Variants in RASSF4 observed in about 807,000 individuals in gnomAD.
The protein encoded by RASSF4 is Ras association domain family member 4.
A neutral mutation model predicts 41.1 loss-of-function variants in RASSF4; 38 were observed. The observed-to-expected ratio is 0.92, with a 90% CI of 0.71 to 1.21. RASSF4 has a LOEUF of 1.21. Among genes scored for constraint, RASSF4 ranks in the 50% most tolerant of loss-of-function variants. The pLI, the probability that RASSF4 is intolerant of heterozygous loss-of-function variation, is 0.00. For missense variants in RASSF4, 414 were observed against 419.4 expected (o/e 0.99, Z 0.11); for synonymous variants, 179 against 163.4 (o/e 1.10, Z -0.73).
At chr10:44,964,791 G>C (rs375769783) in intron 1 of RASSF4, among the ~76,000 whole-genome samples, 11 of 152,198 alleles carry the variant, frequency 7.2e-5, no homozygotes, top group African/African-American at 2.7e-4. Context: ...CCCCCTTGCA[G>C]TTTGCTGCTG....
In RASSF4 at chr10:44,995,290, G is replaced by A. The variant is rs923350829; in HGVS notation, c.*1961G>A. 1.3e-5 allele frequency: 2 copies of A among 152,298 alleles called. No individual in the cohort carries two copies. Among genetic ancestry groups the A allele is most frequent in the African/African-American group, 4.8e-5 (2 of 41,474 alleles). The allele number at this position is 152,298 out of a possible 1,614,324, so 9.4% of individuals were successfully genotyped here. A position where few individuals can be genotyped will look rare whatever the true frequency, so the allele number is the denominator to read the frequency against. ...AGGAGAAGAAGGCCAGACACTGGAA[G>A]GGTCAAGAGATCAGCTGAGCAACGA... is the stretch of plus-strand genomic sequence containing the variant. On this transcript the variant is annotated 3_prime_UTR_variant, in exon 11 of 11. Transcript: ENST00000340258.
chr10:44,974,225 G>T (rs939064008), intron 3 of RASSF4, among the ~76,000 whole-genome samples: 3 of 152,222 alleles, frequency 2.0e-5, no homozygotes, highest in Non-Finnish European at 4.4e-5. Flanking sequence ...CTCTCCTCAG[G>T]CACCACAGGC....
intron 1 of RASSF4, among the ~76,000 whole-genome samples, chr10:44,964,959 TGGAGCTCA>T (rs1160201292): frequency 6.6e-6 from 1 of 152,262 alleles, no homozygotes; most frequent in Non-Finnish European, 1.5e-5. Context: ...TGAGTGATCC[TGGAGCTCA>T]GGAAAAACAG....
At chr10:44,984,195 C>CG in intron 5 of RASSF4, 82 bp downstream of exon 5, 1 of 1,344,510 alleles carries the variant, frequency 7.4e-7, no homozygotes, top group Non-Finnish European at 1.0e-6. Context: ...CCACAATCTC[C>CG]GAAGGACAGC....
At position 44,993,293 on chromosome 10, in the gene RASSF4, G is replaced by A; in HGVS notation, c.930G>A (p.Met310Ile). The change falls in exon 11 of 11, where the codon ATG becomes ATA. Residue 310 changes from methionine to isoleucine, a missense_variant. Physicochemically the swap from Met to Ile is conservative, Grantham distance 10 (BLOSUM62 1). Coordinates refer to ENST00000340258, the MANE Select transcript of RASSF4 (RefSeq NM_032023.4). ...GGTTCCAAGCCCTGCGTCTGACGAT[G>A]CTGCAGCGCCTGGAGCAGCTGGTGG... ...TMKFQALRLT[M>I]LQRLEQLVEA... is the part of the protein sequence containing the mutation. 1 of 1,608,676 alleles carries A rather than the reference G, an allele frequency of 6.2e-7. No individual in the cohort carries two copies. Among genetic ancestry groups the A allele is most frequent in the Non-Finnish European group, 8.5e-7 (1 of 1,179,624 alleles).
intron 1 of RASSF4, among the ~76,000 whole-genome samples, chr10:44,963,456 C>T (rs1473509574): frequency 6.6e-6 from 1 of 152,190 alleles, no homozygotes; most frequent in Non-Finnish European, 1.5e-5. Flanking sequence ...TGGGAGGGGC[C>T]TTTTAAAGCT....
intron 9 of RASSF4, chr10:44,991,428 G>A (rs1588850531): frequency 4.7e-6 from 1 of 212,108 alleles, no homozygotes; most frequent in East Asian, 1.1e-4. Flanking sequence ...TGGAAAACAG[G>A]GAGATATTTA....
intron 3 of RASSF4, chr10:44,977,252 CT>C: frequency 8.7e-7 from 1 of 1,144,104 alleles, no homozygotes; most frequent in East Asian, 2.4e-5. Flanking sequence ...GTCGGTCTCA[CT>C]GTGAACTGCC....
Position 44,989,324 on chromosome 10 carries a change from C to A in RASSF4, c.582C>A (p.Asn194Lys). 1 of 1,614,056 alleles carries A rather than the reference C, an allele frequency of 6.2e-7. No homozygotes were observed. Among genetic ancestry groups the A allele is most frequent in the East Asian group, 2.2e-5 (1 of 44,876 alleles). ...AYGSVTNVRV[N>K]STMTTLQVLT... The stretch of plus-strand genomic sequence containing the variant: ...GATCCGTGACCAATGTGAGGGTCAA[C>A]AGCACCATGACAACCCTGCAGGTGC... The change falls in exon 7 of 11, where the codon AAC becomes AAA. Residue 194 changes from asparagine (N) to lysine (K), a missense_variant. Transcript: ENST00000340258.
Position 44,993,192 on chromosome 10 carries a change from G to A in RASSF4, c.906-77G>A, listed in dbSNP as rs182702446. 805 of 1,273,408 alleles carry A rather than the reference G, an allele frequency of 6.3e-4. 4 individuals carry two copies. The African/African-American group carries it at 0.01, about 16-fold the overall frequency. 78.9% of individuals were successfully genotyped at this position (1,273,408 alleles called of 1,614,324 possible). On this transcript the variant is annotated intron_variant, in intron 10 of 10. Transcript: ENST00000340258. ...CAGGGATCTCCTGAGCTGGCCATCTGCAGGTCCCTTGCTCTGCTGCCCACC... is the reference window on the plus strand; with the variant it reads ...CAGGGATCTCCTGAGCTGGCCATCTACAGGTCCCTTGCTCTGCTGCCCACC...
intron 1 of RASSF4, among the ~76,000 whole-genome samples, chr10:44,961,057 A>G (rs1323893654): frequency 1.3e-5 from 2 of 152,192 alleles, no homozygotes; most frequent in Admixed American, 6.5e-5. Context: ...AAGGGAGGGA[A>G]GAGGAGAGAT....
chr10:44,989,208 C>T lies in RASSF4; in HGVS notation c.532-66C>T, dbSNP rs1352916938. 5.0e-6 allele frequency: 5 copies of T among 999,602 alleles called. No individual in the cohort carries two copies. The African/African-American group carries it at 6.3e-5, about 13-fold the overall frequency. The allele number at this position is 999,602 out of a possible 1,614,324, so 61.9% of individuals were successfully genotyped here. On this transcript the variant is annotated intron_variant, in intron 6 of 10. Transcript: ENST00000340258. ...GTCACCTGCTGCCTTGGTCTGTTCA[C>T]CGTTGTGATGTCAGTCCCTTGTCCC... is the stretch of plus-strand genomic sequence containing the variant.
intron 7 of RASSF4, 125 bp downstream of exon 7, chr10:44,989,500 C>A: frequency 1.1e-6 from 1 of 936,592 alleles, no homozygotes; most frequent in Non-Finnish European, 1.7e-6. Context: ...GCAAGGGTCC[C>A]TCTGCTGAGC....
At position 44,993,990 on chromosome 10, in the gene RASSF4, T is replaced by G. The variant is rs1842213034; in HGVS notation, c.*661T>G. On this transcript the variant is annotated 3_prime_UTR_variant, in exon 11 of 11. Transcript: ENST00000340258. ...ACCTAAAGCGATTCTTACAAGGAGC[T>G]TGCTGCAAGAAACACGGTCATTCAA... The G allele has an allele frequency of 6.6e-6, 1 of 152,246 alleles. No homozygotes were observed. The highest frequency in any genetic ancestry group is 2.4e-5 in the African/African-American group (1 of 41,446). The allele number at this position is 152,246 out of a possible 1,614,324, so 9.4% of individuals were successfully genotyped here.
chr10:44,969,698 C>T (rs1009692281), intron 1 of RASSF4, among the ~76,000 whole-genome samples: 6 of 152,236 alleles, frequency 3.9e-5, no homozygotes, highest in Non-Finnish European at 7.3e-5. Context: ...ATTTACAGCA[C>T]ATAGGGAACA....
intron 6 of RASSF4, among the ~76,000 whole-genome samples, chr10:44,988,778 G>A (rs919489492): frequency 2.0e-5 from 3 of 152,202 alleles, no homozygotes; most frequent in African/African-American, 4.8e-5. Context: ...TTAGAAGTCC[G>A]TTCCTGTAGG....
At chr10:44,993,109 T>G (rs972441518) in intron 10 of RASSF4, among the ~76,000 whole-genome samples, 160 bp from the exon 11 acceptor site, 7 of 152,180 alleles carry the variant, frequency 4.6e-5, no homozygotes, top group African/African-American at 1.7e-4. Context: ...TGACTGCACC[T>G]CATGAGGCGC....
intron 3 of RASSF4, chr10:44,981,772 C>A (rs1455960153): frequency 1.3e-5 from 2 of 152,248 alleles, no homozygotes; most frequent in African/African-American, 4.8e-5. Context: ...AATCAAGGGC[C>A]CAAGGGGTGC....
chr10:44,971,593 T>C, intron 2 of RASSF4, 180 bp from the exon 3 acceptor site: 1 of 697,696 alleles, frequency 1.4e-6, no homozygotes, highest in Non-Finnish European at 2.6e-6. Flanking sequence ...CAGGGCCATG[T>C]GCAGAACCAT....
Sources: gnomAD v4.1 joint callset for allele counts (sites outside exome capture counted in the v4.1 genomes callset) on GRCh38, gnomAD v4.1.1 for gene constraint, MANE v1.5 for transcripts, NCBI Gene and HGNC (gene_info 2026-07-23, HGNC 2026-07-21) for gene names.